CELF5: variants seen among roughly 807,000 people sequenced by gnomAD.
The protein encoded by CELF5 is CUGBP Elav-like family member 5.
CELF5 carries 6 observed loss-of-function variants against 54.9 expected under a neutral mutation model. The ratio of observed to expected loss-of-function variants is 0.11; its 90% CI spans 0.06 to 0.22. The LOEUF is 0.22. Among genes scored for constraint, CELF5 ranks in the 10% least tolerant of loss-of-function variants. The probability of loss-of-function intolerance (pLI) is 1.00; values close to 1 mark genes in which losing one functional copy is unlikely to be tolerated. For synonymous variants in CELF5, 271 were observed against 290.9 expected (o/e 0.93, Z 0.70); for missense variants, 401 against 678.6 (o/e 0.59, Z 4.54).
intron 1 of CELF5, among the ~76,000 whole-genome samples, chr19:3,235,518 A>G (rs368942227): frequency 7.7e-3 from 70 of 9,092 alleles, no homozygotes; most frequent in East Asian, 0.053. Context: ...GGATGGATGG[A>G]TGGATGAATA....
chr19:3,270,568 C>G (rs1025067718), intron 2 of CELF5: 3 of 146,868 alleles, frequency 2.0e-5, no homozygotes, highest in South Asian at 4.1e-4. Context: ...GCGCGGGGCC[C>G]GAGCGTGCAG....
chr19:3,266,711 C>T (rs988370682), intron 2 of CELF5, among the ~76,000 whole-genome samples: 40 of 152,328 alleles, frequency 2.6e-4, no homozygotes, highest in African/African-American at 9.4e-4. Flanking sequence ...AAAGGTGAGA[C>T]CTGTGGCGTG....
chr19:3,235,726 GTGGATGGA>G (rs201677943), intron 1 of CELF5, among the ~76,000 whole-genome samples: 138 of 115,994 alleles, frequency 1.2e-3, no homozygotes, highest in African/African-American at 4.3e-3. Flanking sequence ...GTGTGGATGG[GTGGATGGA>G]TGGATGGATG....
At chr19:3,252,562 G>A (rs2079666026) in intron 2 of CELF5, among the ~76,000 whole-genome samples, 1 of 152,158 alleles carries the variant, frequency 6.6e-6, no homozygotes, top group South Asian at 2.1e-4. Flanking sequence ...AGCCTCCAGG[G>A]ACATCAGGGC....
intron 2 of CELF5, among the ~76,000 whole-genome samples, chr19:3,258,414 G>A (rs549148287): frequency 7.9e-5 from 12 of 151,894 alleles, no homozygotes; most frequent in East Asian, 7.8e-4. Flanking sequence ...GAGCCACTGC[G>A]CCCGGCCTGT....
At chr19:3,252,900 G>A (rs1366784500) in intron 2 of CELF5, among the ~76,000 whole-genome samples, 2 of 152,018 alleles carry the variant, frequency 1.3e-5, no homozygotes, top group Non-Finnish European at 2.9e-5. Context: ...AATCTATAGA[G>A]AAGGTGCTCA....
At chr19:3,264,476 C>T (rs979439310) in intron 2 of CELF5, among the ~76,000 whole-genome samples, 12 of 151,178 alleles carry the variant, frequency 7.9e-5, no homozygotes, top group African/African-American at 1.5e-4. Context: ...AGTGCAGTAG[C>T]GCAATCTCGG....
intron 12 of CELF5, chr19:3,295,108 T>A (rs190794486): frequency 6.4e-4 from 98 of 152,476 alleles, no homozygotes; most frequent in African/African-American, 2.3e-3. Context: ...TACCCATAAA[T>A]TCCAACCGTT....
chr19:3,288,918 T>C lies in CELF5; in HGVS notation c.1187-1313T>C, dbSNP rs551316311. Among the ~76,000 whole-genome samples the C allele has an allele frequency of 8.5e-5, 13 of 152,194 alleles. No homozygotes were observed. The South Asian group carries it at 2.3e-3, about 27-fold the overall frequency. On this transcript the variant is annotated intron_variant, in intron 10 of 12. Coordinates refer to ENST00000292672, the MANE Select transcript of CELF5 (RefSeq NM_021938.4). The stretch of plus-strand genomic sequence containing the variant: ...TGGGGTGGGAATGGAAGAAGGTCAT[T>C]TTTAGGTTTGGGATTAGCAGCAGAC...
intron 2 of CELF5, among the ~76,000 whole-genome samples, chr19:3,266,206 G>A (rs1438193160): frequency 6.6e-6 from 1 of 152,158 alleles, no homozygotes; most frequent in Non-Finnish European, 1.5e-5. Context: ...CCATGGAAAG[G>A]CGGTAACTTC....
At chr19:3,250,892 G>GTATCATTAAAAA in intron 1 of CELF5, 93 bp from the exon 2 acceptor site, 1 of 626,094 alleles carries the variant, frequency 1.6e-6, no homozygotes, top group Non-Finnish European at 2.7e-6. Flanking sequence ...TGGAAGCTTG[G>GTATCATTAAAAA]GTTGCTTCCA....
intron 9 of CELF5, 43 bp downstream of exon 9, chr19:3,285,007 C>CCCCGCCCAGGGCCCCGCA (rs2080213881): frequency 6.7e-7 from 1 of 1,492,470 alleles, no homozygotes; most frequent in Non-Finnish European, 9.2e-7. Flanking sequence ...CTGGCCCCGC[C>CCCCGCCCAGGGCCCCGCA]CCCGCCTAGG....
rs1568359855 is a variant in CELF5, at chr19:3,281,383, GTC to G, written c.750+45_750+46del. 1.9e-5 allele frequency: 30 copies of G among 1,570,288 alleles called. No individual in the cohort carries two copies. Among genetic ancestry groups the G allele is most frequent in the Non-Finnish European group, 2.4e-5 (28 of 1,156,142 alleles). On this transcript the variant is annotated intron_variant, in intron 6 of 12. Coordinates refer to ENST00000292672, the MANE Select transcript of CELF5 (RefSeq NM_021938.4). The surrounding 1 kb of genome is among the most constrained non-coding windows in gnomAD (Gnocchi z 6.5). ...GTGACAGCTTCGGGGCTCCGGCTCCGTCTCTCTCAGTCTCTGTCTACTCTCTG... is the reference window on the plus strand; with the variant it reads ...GTGACAGCTTCGGGGCTCCGGCTCCGTCTCTCAGTCTCTGTCTACTCTCTG...
rs1272726420 is a variant in CELF5 at position 3,296,912 on chromosome 19, AAAG to A, written c.*200_*202del. 11 of 151,904 alleles carry A rather than the reference AAAG, an allele frequency of 7.2e-5. No individual in the cohort carries two copies. Among genetic ancestry groups the A allele is most frequent in the Middle Eastern group, 3.4e-3 (1 of 294 alleles). 9.4% of individuals were successfully genotyped at this position (151,904 alleles called of 1,614,324 possible). A position where few individuals can be genotyped will look rare whatever the true frequency, so the allele number is the denominator to read the frequency against. Reference sequence around the variant, plus strand: ...GTTGACTCGGTTTGAGTTTTGTGTCAAAGAAGATTTCCCGCGGCTGAAGAGGTT... The same window carrying A: ...GTTGACTCGGTTTGAGTTTTGTGTCAAAGATTTCCCGCGGCTGAAGAGGTT... On this transcript the variant is annotated 3_prime_UTR_variant, in exon 13 of 13. Transcript: ENST00000292672.
intron 2 of CELF5, among the ~76,000 whole-genome samples, chr19:3,263,341 C>G (rs1252220762): frequency 6.7e-6 from 1 of 149,536 alleles, no homozygotes; most frequent in Non-Finnish European, 1.5e-5. Flanking sequence ...GGTGGGATTA[C>G]CTAAGGTCAG....
In CELF5 at chr19:3,282,679, C is replaced by T. The variant is rs35274778; in HGVS notation, c.1039+181C>T. On this transcript the variant is annotated intron_variant, in intron 8 of 12. Transcript: ENST00000292672. This position sits in a 1 kb window ranked among gnomAD's most constrained non-coding sequence, Gnocchi z 5.2. ...AAGGGAGGCCGTGGCAGGGTAATAA[C>T]ACATTAAAACGGTGCATCTGGATGT... Among the ~76,000 whole-genome samples the T allele has an allele frequency of 0.13, 19,475 of 152,172 alleles. 1,341 individuals are homozygous for T. The highest frequency in any genetic ancestry group is 0.15 in the Middle Eastern group (45 of 294).
chr19:3,229,296 T>C (rs1206358292), intron 1 of CELF5, among the ~76,000 whole-genome samples: 2 of 152,114 alleles, frequency 1.3e-5, no homozygotes, highest in Non-Finnish European at 2.9e-5. Flanking sequence ...CCTGGGCTAC[T>C]GGGTTGGGCA....
Position 3,281,260 on chromosome 19 carries a change from G to T in CELF5, c.665G>T (p.Arg222Leu). ...ACGGACAAGGAGCGGACGCTCCGGC[G>T]CATGCAGCAGATGGTGGGCCAGCTG... is the stretch of plus-strand genomic sequence containing the variant. ...ADTDKERTLR[R>L]MQQMVGQLGI... The change falls in exon 6 of 13, where the codon CGC (arginine) becomes CTC (leucine). Residue 222 changes from arginine to leucine, a missense_variant. Physicochemically the swap from Arg to Leu is moderately radical, Grantham distance 102. Transcript: ENST00000292672. This position sits in a 1 kb window ranked among gnomAD's most constrained non-coding sequence, Gnocchi z 6.5. 1 of 1,611,278 alleles carries T rather than the reference G, an allele frequency of 6.2e-7. No individual in the cohort carries two copies.
At position 3,276,000 on chromosome 19, in the gene CELF5, C is replaced by G; in HGVS notation, c.523+16C>G. On this transcript the variant is annotated intron_variant, in intron 4 of 12. Coordinates refer to ENST00000292672, the MANE Select transcript of CELF5 (RefSeq NM_021938.4). This position sits in a 1 kb window ranked among gnomAD's most constrained non-coding sequence, Gnocchi z 6.7. Reference sequence around the variant, plus strand: ...AGCAGCAAAGGTGACTGGCGGGGGCCGGGGCGGGACTGCGAGAGGGGCCGG... The same window carrying G: ...AGCAGCAAAGGTGACTGGCGGGGGCGGGGGCGGGACTGCGAGAGGGGCCGG... 1 of 811,400 alleles carries G rather than the reference C, an allele frequency of 1.2e-6. No individual in the cohort carries two copies. Among genetic ancestry groups the G allele is most frequent in the Non-Finnish European group, 1.5e-6 (1 of 661,260 alleles). 50.3% of individuals were successfully genotyped at this position (811,400 alleles called of 1,614,324 possible). A position where few individuals can be genotyped will look rare whatever the true frequency, so the allele number is the denominator to read the frequency against.
Sources: gnomAD v4.1 joint callset for allele counts (sites outside exome capture counted in the v4.1 genomes callset) on GRCh38, gnomAD v4.1.1 for gene constraint, Gnocchi (gnomAD v3.1) non-coding constraint, MANE v1.5 for transcripts, NCBI Gene and HGNC (gene_info 2026-07-23, HGNC 2026-07-21) for gene names.